The following PRSS12 variants were observed in gnomAD, a reference collection of about 807,000 sequenced individuals.
The protein encoded by PRSS12 is serine protease 12, also known as neurotrypsin.
A neutral mutation model predicts 104.4 loss-of-function variants in PRSS12; 85 were observed. That is an observed-to-expected ratio of 0.81 (90% confidence interval 0.68 to 0.98). The LOEUF is 0.98. Ranked by LOEUF, PRSS12 falls within the 50% of genes least tolerant of loss-of-function variation. The probability of loss-of-function intolerance (pLI) is 0.00; values close to 1 mark genes in which losing one functional copy is unlikely to be tolerated. For missense variants in PRSS12, 1,141 were observed against 1,139.2 expected, an observed-to-expected ratio of 1.00 and a Z score of -0.02; for synonymous variants, 454 against 425.2, an observed-to-expected ratio of 1.07 and a Z score of -0.83.
chr4:118,295,711 G>A, intron 10 of PRSS12, 67 bp downstream of exon 10: 1 of 1,429,556 alleles, frequency 7.0e-7, no homozygotes. Context: ...AACATCCCCA[G>A]TTTGTAACAC....
In PRSS12 at chr4:118,313,231, G is replaced by A. The variant is rs1743802005; in HGVS notation, c.1459C>T (p.Pro487Ser). 6.2e-7 allele frequency: 1 copy of A among 1,613,736 alleles called. No homozygotes were observed. Among genetic ancestry groups the A allele is most frequent in the Admixed American group, 1.7e-5 (1 of 59,986 alleles). Residue 487 changes from proline to serine, a missense_variant, in exon 7 of 13, where the codon CCT becomes TCT. Transcript: ENST00000296498. ...GAGAGCCTGTGTCCCTCGCCGCCAG[G>A]GTAGCAGGCAATGCTAACATCTTCG... ...HREDVSIACY[P>S]GGEGHRLSLG... is the part of the protein sequence containing the mutation.
rs1341455990 is a variant in PRSS12, at chr4:118,313,074, TAGAC to T, written c.1489+123_1489+126del. The T allele has an allele frequency of 4.6e-5, 47 of 1,013,118 alleles. No individual in the cohort carries two copies. The East Asian group carries it at 1.2e-3, about 25-fold the overall frequency. The allele number at this position is 1,013,118 out of a possible 1,614,324, so 62.8% of individuals were successfully genotyped here. A position where few individuals can be genotyped will look rare whatever the true frequency, so the allele number is the denominator to read the frequency against. ...TCTCTGCATAAAAATTACTGAAAAT[TAGAC>T]AGTTATGGGAAATAGACCCCAAAAA... On this transcript the variant is annotated intron_variant, in intron 7 of 12. Coordinates refer to ENST00000296498, the MANE Select transcript of PRSS12 (RefSeq NM_003619.4).
At chr4:118,308,718 A>C in intron 7 of PRSS12, 141 bp from the exon 8 acceptor site, 1 of 1,179,330 alleles carries the variant, frequency 8.5e-7, no homozygotes, top group South Asian at 1.3e-5. Flanking sequence ...GAGAGGAGAT[A>C]TATCAATAAA....
At chr4:118,341,665 A>C (rs1365658242) in intron 1 of PRSS12, among the ~76,000 whole-genome samples, 2 of 152,124 alleles carry the variant, frequency 1.3e-5, no homozygotes, top group African/African-American at 4.8e-5. Flanking sequence ...CTGGGCAACA[A>C]GAGCAAAACT....
rs771014586 is a variant in PRSS12 at position 118,352,591 on chromosome 4, G to A, written c.130C>T (p.Pro44Ser). ...CGCTGCTGGGTGGGAAGGTAATAGG[G>A]GTAGTGCGGACCCGCAGGGGGCGAA... ...RHSPPAGPHYPYYLPTQQRPP... is the reference protein window; with the variant it reads ...RHSPPAGPHYSYYLPTQQRPP... The change falls in exon 1 of 13, where the codon CCC becomes TCC. Residue 44 changes from proline to serine, a missense_variant. Pro to Ser is a moderately conservative substitution (Grantham distance 74, BLOSUM62 -1). Transcript: ENST00000296498. 9 of 1,603,644 alleles carry A rather than the reference G, an allele frequency of 5.6e-6. No individual in the cohort carries two copies. In the South Asian group the frequency reaches 6.7e-5, roughly 12 times the overall value.
At chr4:118,327,046 A>C (rs995773595) in intron 4 of PRSS12, among the ~76,000 whole-genome samples, 4 of 152,226 alleles carry the variant, frequency 2.6e-5, no homozygotes, top group African/African-American at 9.6e-5. Flanking sequence ...GTTGGGCCAC[A>C]TTCAAAGCCG....
intron 1 of PRSS12, among the ~76,000 whole-genome samples, chr4:118,347,710 A>G (rs1724393107): frequency 6.6e-6 from 1 of 152,118 alleles, no homozygotes; most frequent in East Asian, 1.9e-4. Context: ...TGTTTTAGAG[A>G]CAGGGTCTCC....
chr4:118,319,936 A>G (rs1040864378), intron 4 of PRSS12, among the ~76,000 whole-genome samples: 9 of 152,084 alleles, frequency 5.9e-5, no homozygotes, highest in Non-Finnish European at 8.8e-5. Flanking sequence ...TCAACCTCCC[A>G]AAAGTGCTGG....
intron 4 of PRSS12, among the ~76,000 whole-genome samples, chr4:118,322,161 A>C (rs1249749813): frequency 6.7e-6 from 1 of 148,310 alleles, no homozygotes; most frequent in African/African-American, 2.4e-5. Context: ...TGATCTTGCA[A>C]TAGTAGTGTA....
intron 11 of PRSS12, among the ~76,000 whole-genome samples, chr4:118,290,883 T>A (rs1218060319): frequency 1.3e-5 from 2 of 152,104 alleles, no homozygotes; most frequent in African/African-American, 2.4e-5. Context: ...AATAATCTTA[T>A]AACTGGTCTC....
chr4:118,281,959 T>G lies in PRSS12; in HGVS notation c.2605A>C (p.Ile869Leu). The change falls in exon 13 of 13, where the codon ATA becomes CTA. Residue 869 changes from isoleucine to leucine, a missense_variant. Ile to Leu is a conservative substitution (Grantham distance 5). Coordinates refer to ENST00000296498, the MANE Select transcript of PRSS12 (RefSeq NM_003619.4). Reference sequence around the variant, plus strand: ...AATTACAGTTTGGTGACACTTTTTATCCAAGGTACAAAGGCTGAGACTTTG... The same window carrying G: ...AATTACAGTTTGGTGACACTTTTTAGCCAAGGTACAAAGGCTGAGACTTTG... ...YTKVSAFVPW[I>L]KSVTKL The G allele has an allele frequency of 7.1e-7, 1 of 1,401,714 alleles. No individual in the cohort carries two copies. Among genetic ancestry groups the G allele is most frequent in the South Asian group, 1.2e-5 (1 of 86,956 alleles). The allele number at this position is 1,401,714 out of a possible 1,614,324, so 86.8% of individuals were successfully genotyped here. A position where few individuals can be genotyped will look rare whatever the true frequency, so the allele number is the denominator to read the frequency against.
intron 9 of PRSS12, 70 bp from the exon 10 acceptor site, chr4:118,295,926 A>G: frequency 2.3e-6 from 3 of 1,332,092 alleles, no homozygotes; most frequent in Admixed American, 3.4e-5. Context: ...TAAGTGACAT[A>G]CTCCACTGAT....
At chr4:118,343,252 G>A (rs1468048373) in intron 1 of PRSS12, among the ~76,000 whole-genome samples, 3 of 152,026 alleles carry the variant, frequency 2.0e-5, no homozygotes, top group East Asian at 1.9e-4. Flanking sequence ...AAAATTAGCC[G>A]GGCTTGGTGG....
At chr4:118,298,445 T>C (rs1743308182) in intron 9 of PRSS12, among the ~76,000 whole-genome samples, 1 of 152,168 alleles carries the variant, frequency 6.6e-6, no homozygotes, top group South Asian at 2.1e-4. Context: ...GCATGAGAGC[T>C]TTATTACATC....
chr4:118,315,314 A>G (rs533463444), intron 6 of PRSS12, among the ~76,000 whole-genome samples: 25 of 152,244 alleles, frequency 1.6e-4, no homozygotes, highest in Middle Eastern at 3.4e-3. Context: ...ATAAAAAATT[A>G]TGGAGTTTTT....
intron 1 of PRSS12, among the ~76,000 whole-genome samples, chr4:118,348,527 G>A (rs1322088192): frequency 6.6e-6 from 1 of 152,156 alleles, no homozygotes; most frequent in African/African-American, 2.4e-5. Flanking sequence ...CCAGAACTGA[G>A]AATTACTCAG....
intron 1 of PRSS12, among the ~76,000 whole-genome samples, chr4:118,341,891 T>C (rs998517385): frequency 1.3e-5 from 2 of 152,192 alleles, no homozygotes; most frequent in Non-Finnish European, 2.9e-5. Flanking sequence ...CTTCAGATAT[T>C]ACTTTATGCA....
intron 1 of PRSS12, among the ~76,000 whole-genome samples, chr4:118,346,107 A>C (rs927872258): frequency 2.6e-5 from 4 of 152,194 alleles, no homozygotes; most frequent in Non-Finnish European, 5.9e-5. Context: ...AGATTGTTCT[A>C]TCTCTAAGTG....
At chr4:118,350,000 T>A (rs1724452694) in intron 1 of PRSS12, among the ~76,000 whole-genome samples, 1 of 151,810 alleles carries the variant, frequency 6.6e-6, no homozygotes, top group South Asian at 2.1e-4. Context: ...AAGACCCTTG[T>A]CAAAAAATAA....
Sources: allele counts gnomAD v4.1 joint callset (sites outside exome capture counted in the v4.1 genomes callset), GRCh38; gene constraint gnomAD v4.1.1; transcripts MANE v1.5; gene names NCBI Gene and HGNC (gene_info 2026-07-23, HGNC 2026-07-21).